TLN2: variants seen among roughly 807,000 people sequenced by gnomAD.
The protein encoded by TLN2 is talin 2.
TLN2 carries 118 observed loss-of-function variants against 294.7 expected under a neutral mutation model. The observed-to-expected ratio is 0.40, with a 90% CI of 0.34 to 0.47. The LOEUF is 0.47. Ranked by LOEUF, TLN2 falls within the 20% of genes least tolerant of loss-of-function variation. TLN2 has a pLI of 0.84. For synonymous variants in TLN2, 1,431 were observed against 1,304.5 expected, an observed-to-expected ratio of 1.10 and a Z score of -2.09; for missense variants, 3,083 against 3,282.2, an observed-to-expected ratio of 0.94 and a Z score of 1.48.
intron 55 of TLN2, chr15:62,833,896 A>T: frequency 2.7e-6 from 1 of 375,066 alleles, no homozygotes. Context: ...CGAGATATTT[A>T]TATTCCCACT....
intron 1 of TLN2, among the ~76,000 whole-genome samples, chr15:62,575,796 C>T (rs2044340937): frequency 6.6e-6 from 1 of 152,168 alleles, no homozygotes; most frequent in African/African-American, 2.4e-5. Flanking sequence ...TTACTTCATC[C>T]ACGGAAAACC....
rs754368814 is a variant in TLN2 at position 62,738,317 on chromosome 15, A to G, written c.3671A>G (p.Lys1224Arg). The G allele has an allele frequency of 6.2e-7, 1 of 1,613,996 alleles. No individual in the cohort carries two copies. The highest frequency in any genetic ancestry group is 8.5e-7 in the Non-Finnish European group (1 of 1,179,938). Residue 1224 changes from lysine to arginine, a missense_variant, in exon 30 of 59, where the codon AAG (lysine) becomes AGG (arginine). Coordinates refer to ENST00000636159, the MANE Select transcript of TLN2 (RefSeq NM_015059.3). ...AAGAGCATCGGGGAGTCCAGCAAGAAGCTGCTTGTGGATTCGGTGAGAGGT... is the reference window on the plus strand; with the variant it reads ...AAGAGCATCGGGGAGTCCAGCAAGAGGCTGCTTGTGGATTCGGTGAGAGGT... ...ALKSIGESSK[K>R]LLVDSLPPST...
At chr15:62,415,840 G>A (rs564561543) in intron 1 of TLN2, among the ~76,000 whole-genome samples, 3 of 152,372 alleles carry the variant, frequency 2.0e-5, no homozygotes, top group East Asian at 3.9e-4. Flanking sequence ...GGATCTCGGA[G>A]TTGTGGGGGG....
intron 1 of TLN2, among the ~76,000 whole-genome samples, chr15:62,541,466 G>A (rs1464997194): frequency 1.3e-5 from 2 of 152,128 alleles, no homozygotes; most frequent in African/African-American, 4.8e-5. Context: ...GACCCTGGAT[G>A]GTGCTCCCAA....
At chr15:62,512,647 T>C (rs2039990302) in intron 1 of TLN2, among the ~76,000 whole-genome samples, 2 of 152,216 alleles carry the variant, frequency 1.3e-5, no homozygotes, top group South Asian at 4.1e-4. Context: ...TGACATTAGT[T>C]TGACAGACAT....
At chr15:62,530,196 A>G (rs1282060021) in intron 1 of TLN2, among the ~76,000 whole-genome samples, 1 of 152,194 alleles carries the variant, frequency 6.6e-6, no homozygotes, top group African/African-American at 2.4e-5. Context: ...GTCTCAAAAG[A>G]TAAATAAATA....
chr15:62,392,056 C>T, intron 1 of TLN2, among the ~76,000 whole-genome samples: 1 of 152,256 alleles, frequency 6.6e-6, no homozygotes, highest in East Asian at 1.9e-4. Context: ...GCCCCGAGGC[C>T]GCCGAACAGC....
intron 42 of TLN2, among the ~76,000 whole-genome samples, chr15:62,773,031 A>G (rs1387235894): frequency 1.3e-5 from 2 of 151,768 alleles, no homozygotes; most frequent in East Asian, 3.9e-4. Flanking sequence ...ATGGAATTTT[A>G]TTTTCTCTCA....
intron 23 of TLN2, 49 bp downstream of exon 23, chr15:62,716,508 A>G: frequency 6.4e-7 from 1 of 1,550,992 alleles, no homozygotes; most frequent in Non-Finnish European, 8.7e-7. Flanking sequence ...AATTGCAAAG[A>G]GTTATTTGAA....
intron 32 of TLN2, among the ~76,000 whole-genome samples, chr15:62,742,127 A>C (rs1169434632): frequency 6.7e-6 from 1 of 150,110 alleles, no homozygotes; most frequent in Non-Finnish European, 1.5e-5. Context: ...GAGTTTCTTC[A>C]TTTATTCCTG....
chr15:62,839,726 G>A (rs948338397), intron 58 of TLN2, among the ~76,000 whole-genome samples: 3 of 152,270 alleles, frequency 2.0e-5, no homozygotes, highest in Admixed American at 6.5e-5. Flanking sequence ...CCTGAACCAC[G>A]CCCTGTGTTT....
chr15:62,485,747 C>T (rs1298000263), intron 1 of TLN2, among the ~76,000 whole-genome samples: 1 of 152,170 alleles, frequency 6.6e-6, no homozygotes. Context: ...CTCCTCACCG[C>T]TTCCTGGCTC....
chr15:62,447,902 G>A (rs1325893028), intron 1 of TLN2, among the ~76,000 whole-genome samples: 3 of 152,150 alleles, frequency 2.0e-5, no homozygotes, highest in African/African-American at 7.2e-5. Context: ...CAATTCGTAG[G>A]CTTGCTCAGT....
At chr15:62,544,244 G>C (rs182432388) in intron 1 of TLN2, among the ~76,000 whole-genome samples, 12 of 152,190 alleles carry the variant, frequency 7.9e-5, no homozygotes, top group Admixed American at 5.9e-4. Context: ...CCTGTAATAG[G>C]TGAGTCCTGG....
At chr15:62,579,208 T>C (rs1011637300) in intron 1 of TLN2, among the ~76,000 whole-genome samples, 1 of 152,104 alleles carries the variant, frequency 6.6e-6, no homozygotes, top group South Asian at 2.1e-4. Context: ...AAAAAATCAC[T>C]GGCCATGTGA....
intron 45 of TLN2, among the ~76,000 whole-genome samples, chr15:62,789,412 C>T (rs1291899574): frequency 6.6e-6 from 1 of 152,192 alleles, no homozygotes; most frequent in African/African-American, 2.4e-5. Flanking sequence ...ACCACTGGGC[C>T]AGCTGCACCA....
chr15:62,741,512 CTGAACCCAGAGAGTAGGGTGGTCA>C (rs1372546697), intron 32 of TLN2, among the ~76,000 whole-genome samples: 1 of 152,082 alleles, frequency 6.6e-6, no homozygotes, highest in Non-Finnish European at 1.5e-5. Flanking sequence ...TTTCATTTTC[CTGAACCCAGAGAGTAGGGTGGTCA>C]TGATTCTGTG....
intron 2 of TLN2, among the ~76,000 whole-genome samples, chr15:62,599,797 G>T (rs1596304666): frequency 6.6e-6 from 1 of 152,180 alleles, no homozygotes; most frequent in African/African-American, 2.4e-5. Flanking sequence ...CGGCACAGAG[G>T]GTGAGCTGTG....
At chr15:62,713,167 G>A (rs1412027415) in intron 22 of TLN2, among the ~76,000 whole-genome samples, 2 of 150,744 alleles carry the variant, frequency 1.3e-5, no homozygotes, top group Non-Finnish European at 2.9e-5. Flanking sequence ...TACTCGGGAG[G>A]CTGAGGCAGG....
Sources: gnomAD v4.1 joint callset for allele counts (sites outside exome capture counted in the v4.1 genomes callset) on GRCh38, gnomAD v4.1.1 for gene constraint, MANE v1.5 for transcripts, NCBI Gene and HGNC (gene_info 2026-07-23, HGNC 2026-07-21) for gene names.